MACROD2: variants seen among roughly 807,000 people sequenced by gnomAD.
MACROD2 encodes the protein mono-ADP ribosylhydrolase 2, also known as ADP-ribose glycohydrolase MACROD2.
MACROD2 carries 36 observed loss-of-function variants against 70.4 expected under a neutral mutation model. That is an observed-to-expected ratio of 0.51 (90% confidence interval 0.39 to 0.68). The LOEUF (loss-of-function observed/expected upper bound fraction) is 0.68. MACROD2 is among the 30% of genes least tolerant of loss of function. The probability of loss-of-function intolerance (pLI) is 0.00; values close to 1 mark genes in which losing one functional copy is unlikely to be tolerated. For missense variants in MACROD2, 496 were observed against 538.4 expected, an observed-to-expected ratio of 0.92 and a Z score of 0.78; for synonymous variants, 172 against 178.8, an observed-to-expected ratio of 0.96 and a Z score of 0.30.
intron 5 of MACROD2, among the ~76,000 whole-genome samples, chr20:14,830,922 A>T (rs910608045): frequency 6.6e-6 from 1 of 152,186 alleles, no homozygotes; most frequent in Non-Finnish European, 1.5e-5. Flanking sequence ...CTTAAAATAT[A>T]TTTAAAAAAA....
At chr20:15,507,973 G>A (rs559587824) in intron 8 of MACROD2, among the ~76,000 whole-genome samples, 12 of 152,330 alleles carry the variant, frequency 7.9e-5, no homozygotes, top group South Asian at 4.1e-4. Flanking sequence ...ACTTTTAGGC[G>A]TTGAGCTGAG....
intron 8 of MACROD2, among the ~76,000 whole-genome samples, chr20:15,812,640 A>C (rs1187956226): frequency 2.0e-5 from 3 of 152,046 alleles, no homozygotes; most frequent in Non-Finnish European, 4.4e-5. Context: ...ATGCCTGTTC[A>C]TTTTCCACAG....
At chr20:15,644,747 T>C (rs2049514707) in intron 8 of MACROD2, among the ~76,000 whole-genome samples, 2 of 152,192 alleles carry the variant, frequency 1.3e-5, no homozygotes, top group South Asian at 4.1e-4. Context: ...TGGAGTACAA[T>C]GGCACGGTCT....
intron 3 of MACROD2, among the ~76,000 whole-genome samples, chr20:14,438,852 T>A (rs950835583): frequency 6.6e-6 from 1 of 152,174 alleles, no homozygotes; most frequent in African/African-American, 2.4e-5. Context: ...AAAAAATAAT[T>A]TGTAGGTTGT....
At chr20:14,764,913 G>T (rs1372945124) in intron 5 of MACROD2, among the ~76,000 whole-genome samples, 7 of 152,040 alleles carry the variant, frequency 4.6e-5, no homozygotes, top group African/African-American at 1.7e-4. Flanking sequence ...AAGGAACCCA[G>T]GAATTTCTCC....
At chr20:14,177,150 A>G (rs2081268978) in intron 3 of MACROD2, among the ~76,000 whole-genome samples, 2 of 152,132 alleles carry the variant, frequency 1.3e-5, no homozygotes, top group African/African-American at 2.4e-5. Context: ...CCAAGAAACT[A>G]TTTTATGGAA....
intron 5 of MACROD2, among the ~76,000 whole-genome samples, chr20:14,731,447 A>G (rs1182846620): frequency 6.6e-6 from 1 of 152,144 alleles, no homozygotes; most frequent in African/African-American, 2.4e-5. Context: ...CTGACACTCA[A>G]TCTCTGCCTA....
intron 3 of MACROD2, among the ~76,000 whole-genome samples, chr20:14,432,466 C>T (rs1029728639): frequency 9.3e-5 from 14 of 150,652 alleles, no homozygotes; most frequent in African/African-American, 3.4e-4. Flanking sequence ...ATCTGTCTAA[C>T]ATGTGGTATG....
At chr20:15,912,829 A>C (rs2065256571) in intron 10 of MACROD2, among the ~76,000 whole-genome samples, 1 of 152,248 alleles carries the variant, frequency 6.6e-6, no homozygotes, top group Non-Finnish European at 1.5e-5. Context: ...AATTTTAATT[A>C]AAATGTAATT....
Position 15,851,781 on chromosome 20 carries a change from G to A in MACROD2, c.646-10964G>A, listed in dbSNP as rs531993157. On this transcript the variant is annotated intron_variant, in intron 8 of 17. Transcript: ENST00000684519. ...TGGATGCAGGCTGACTTCAGGAAGA[G>A]AGAAGCAGCGTGGGTGAGGTGCCTG... Among the ~76,000 whole-genome samples the A allele has an allele frequency of 2.6e-5, 4 of 152,250 alleles. No individual in the cohort carries two copies. The South Asian group carries it at 6.2e-4, about 24-fold the overall frequency.
intron 15 of MACROD2, among the ~76,000 whole-genome samples, chr20:15,990,771 T>C (rs942369627): frequency 1.3e-5 from 2 of 152,212 alleles, no homozygotes; most frequent in African/African-American, 4.8e-5. Flanking sequence ...CAGACAGCCA[T>C]GGCTTCTAGC....
At chr20:15,419,685 C>T (rs2046202194) in intron 6 of MACROD2, among the ~76,000 whole-genome samples, 2 of 152,160 alleles carry the variant, frequency 1.3e-5, no homozygotes, top group Admixed American at 1.3e-4. Context: ...AAAAGATTGC[C>T]TCTTATGTCA....
At chr20:15,547,962 A>T (rs2048046244) in intron 8 of MACROD2, among the ~76,000 whole-genome samples, 1 of 152,196 alleles carries the variant, frequency 6.6e-6, no homozygotes. Context: ...CCTATGAAAG[A>T]TGTTTGCAAC....
At chr20:15,986,584 A>G (rs1443094292) in intron 13 of MACROD2, 143 bp from the exon 14 acceptor site, 1 of 539,766 alleles carries the variant, frequency 1.9e-6, no homozygotes, top group African/African-American at 2.0e-5. Context: ...TGATGATTAG[A>G]AAAATTGTAT....
chr20:14,069,715 T>TA lies in MACROD2; in HGVS notation c.164-15905dup, dbSNP rs201986238. Among the ~76,000 whole-genome samples the TA allele has an allele frequency of 6.0e-3, 889 of 148,038 alleles. 8 individuals are homozygous for TA. The highest frequency in any genetic ancestry group is 0.021 in the African/African-American group (835 of 39,766). On this transcript the variant is annotated intron_variant, in intron 2 of 17. Transcript: ENST00000684519. The stretch of plus-strand genomic sequence containing the variant: ...AAAATTCAGGAACTCAGAATGTGCT[T>TA]AGTAAATGGGGCCAAAAAGATCCCC...
intron 4 of MACROD2, among the ~76,000 whole-genome samples, chr20:14,502,631 CATT>C (rs2123126466): frequency 6.6e-6 from 1 of 152,202 alleles, no homozygotes; most frequent in Non-Finnish European, 1.5e-5. Flanking sequence ...CTCTACTTGT[CATT>C]ATTATTAATA....
At chr20:14,700,519 GGTGGT>G (rs558976963) in intron 5 of MACROD2, among the ~76,000 whole-genome samples, 9 of 124,012 alleles carry the variant, frequency 7.3e-5, no homozygotes, top group Non-Finnish European at 1.2e-4. Flanking sequence ...TAAGACATAT[GGTGGT>G]GTGTGTGTGT....
At chr20:15,464,243 T>C (rs919379409) in intron 7 of MACROD2, among the ~76,000 whole-genome samples, 50 of 152,146 alleles carry the variant, frequency 3.3e-4, no homozygotes, top group African/African-American at 1.2e-3. Flanking sequence ...CTTGAGCTCC[T>C]GGGTTCAAAT....
At chr20:15,798,398 T>G (rs2063694479) in intron 8 of MACROD2, among the ~76,000 whole-genome samples, 1 of 152,170 alleles carries the variant, frequency 6.6e-6, no homozygotes, top group Admixed American at 6.5e-5. Flanking sequence ...ACCTACCTGT[T>G]GCCTCTCTTT....
Sources: gnomAD v4.1 joint callset for allele counts (sites outside exome capture counted in the v4.1 genomes callset) on GRCh38, gnomAD v4.1.1 for gene constraint, MANE v1.5 for transcripts, NCBI Gene and HGNC (gene_info 2026-07-23, HGNC 2026-07-21) for gene names.